PPP6R1: variants seen among roughly 807,000 people sequenced by gnomAD.
PPP6R1 encodes the protein serine/threonine-protein phosphatase 6 regulatory subunit 1.
Under a neutral mutation model 104.6 loss-of-function variants are expected in PPP6R1, and 39 were observed. The ratio of observed to expected loss-of-function variants is 0.37; its 90% CI spans 0.29 to 0.49. PPP6R1 has a LOEUF of 0.49. PPP6R1 is among the 20% of genes least tolerant of loss of function. PPP6R1 has a pLI of 0.98. For synonymous variants in PPP6R1, 549 were observed against 479.0 expected, an observed-to-expected ratio of 1.15 and a Z score of -1.91; for missense variants, 1,181 against 1,155.8, an observed-to-expected ratio of 1.02 and a Z score of -0.32.
rs373100849 is a variant in PPP6R1, at chr19:55,231,917, C to T, written c.2191G>A (p.Gly731Arg). 3.1e-5 allele frequency: 48 copies of T among 1,550,582 alleles called. No homozygotes were observed. The highest frequency in any genetic ancestry group is 2.7e-4 in the African/African-American group (20 of 73,472). ...GGCCCAGTGTGCAGCTCTTCCTCCCCGGAGACTCGGGGGCTGGTCGGGGCA... is the reference window on the plus strand; with the variant it reads ...GGCCCAGTGTGCAGCTCTTCCTCCCTGGAGACTCGGGGGCTGGTCGGGGCA... ...TDAPTSPRVSGEEELHTGPPA... is the reference protein window; with the variant it reads ...TDAPTSPRVSREEELHTGPPA... The change falls in exon 19 of 24, where the codon GGG becomes AGG. Residue 731 changes from glycine (G) to arginine (R), a missense_variant. Transcript: ENST00000412770.
chr19:55,240,324 G>A (rs369988564), intron 10 of PPP6R1, 24 bp from the exon 11 acceptor site: 51 of 1,573,308 alleles, frequency 3.2e-5, no homozygotes, highest in Non-Finnish European at 3.4e-5. Context: ...GGACAGGATG[G>A]CCTGGAGGGG....
Position 55,239,914 on chromosome 19 carries a change from G to C in PPP6R1, c.1478-3C>G. 6.2e-7 allele frequency: 1 copy of C among 1,613,866 alleles called. No homozygotes were observed. Among genetic ancestry groups the C allele is most frequent in the African/African-American group, 1.3e-5 (1 of 75,052 alleles). Reference sequence around the variant, plus strand: ...CTCCTGCTGCTCGCTGGGCAGCTCTGCTTAGGTGAGAGGGGTGAAGACGTG... The same window carrying C: ...CTCCTGCTGCTCGCTGGGCAGCTCTCCTTAGGTGAGAGGGGTGAAGACGTG... On this transcript the variant is annotated splice_polypyrimidine_tract_variant and splice_region_variant and intron_variant, in intron 12 of 23. Coordinates refer to ENST00000412770, the MANE Select transcript of PPP6R1 (RefSeq NM_014931.4).
intron 1 of PPP6R1, among the ~76,000 whole-genome samples, chr19:55,253,096 T>C (rs1361443767): frequency 6.6e-6 from 1 of 152,162 alleles, no homozygotes; most frequent in African/African-American, 2.4e-5. Context: ...CTAAGCTAAG[T>C]GAGCCCCTCC....
intron 1 of PPP6R1, among the ~76,000 whole-genome samples, chr19:55,254,711 G>A (rs1328705256): frequency 2.6e-5 from 4 of 152,180 alleles, no homozygotes; most frequent in South Asian, 2.1e-4. Context: ...CCCCCTGGCC[G>A]GTACCCTAGG....
In PPP6R1 at chr19:55,242,284, G is replaced by C; in HGVS notation, c.732-5C>G. Reference sequence around the variant, plus strand: ...AGCTGCTCAATCGTCTCCTGCCTGCGGGGGCAGGGGCAGGGGTCAGGGTGA... The same window carrying C: ...AGCTGCTCAATCGTCTCCTGCCTGCCGGGGCAGGGGCAGGGGTCAGGGTGA... On this transcript the variant is annotated splice_region_variant and splice_polypyrimidine_tract_variant and intron_variant, in intron 6 of 23. Transcript: ENST00000412770. The C allele has an allele frequency of 6.2e-7, 1 of 1,613,674 alleles. No individual in the cohort carries two copies. Among genetic ancestry groups the C allele is most frequent in the Non-Finnish European group, 8.5e-7 (1 of 1,179,706 alleles).
intron 1 of PPP6R1, among the ~76,000 whole-genome samples, chr19:55,251,992 G>A (rs943829169): frequency 1.3e-5 from 2 of 151,962 alleles, no homozygotes; most frequent in African/African-American, 4.8e-5. Flanking sequence ...GGCTGCCCAT[G>A]CCATGCCAGC....
At chr19:55,232,040 C>G in intron 18 of PPP6R1, 35 bp downstream of exon 18, 1 of 1,611,448 alleles carries the variant, frequency 6.2e-7, no homozygotes, top group Non-Finnish European at 8.5e-7. Flanking sequence ...GCAGACAGCC[C>G]TGTGTACACC....
intron 10 of PPP6R1, among the ~76,000 whole-genome samples, chr19:55,240,514 TACACAC>T (rs777717878): frequency 0.014 from 1,910 of 135,994 alleles, 35 homozygotes; most frequent in African/African-American, 0.038. Context: ...ATGTGGTGCA[TACACAC>T]ACACACACAC....
Position 55,230,779 on chromosome 19 carries a change from G to A in PPP6R1, c.2565C>T (p.Ser855=), listed in dbSNP as rs377266653. 5.1e-6 allele frequency: 8 copies of A among 1,558,548 alleles called. No individual in the cohort carries two copies. In the East Asian group the frequency reaches 1.1e-4, roughly 22 times the overall value. Residue 855 remains serine (S), a synonymous_variant, in exon 22 of 24, where the codon AGC becomes AGT. Transcript: ENST00000412770. The part of the protein sequence containing the change: ...KSPEPLGLPQ[S]QSAQALTPPP... The stretch of plus-strand genomic sequence containing the variant: ...CCTGCTGCCCTGGTGCTCACCTCTG[G>A]CTTTGGGGAAGCCCCAAGGGCTCTG...
At chr19:55,239,111 A>C (rs2087424961) in intron 15 of PPP6R1, 1 of 406,104 alleles carries the variant, frequency 2.5e-6, no homozygotes, top group Admixed American at 3.7e-5. Context: ...GGCTAGCTCC[A>C]GGAGTGGGAG....
Position 55,230,666 on chromosome 19 carries a change from A to C in PPP6R1, c.2589T>G (p.Pro863=), listed in dbSNP as rs746061996. 10 of 1,604,032 alleles carry C rather than the reference A, an allele frequency of 6.2e-6. No homozygotes were observed. The highest frequency in any genetic ancestry group is 1.8e-4 in the Middle Eastern group (1 of 5,694). The part of the protein sequence containing the change: ...PQSQSAQALT[P]PPIPNGSAPE... ...GGGCAGAGCCATTGGGTATCGGAGG[A>C]GGCGTGAGGGCCTGGGCACTGTCAG... Residue 863 remains proline (P), a synonymous_variant, in exon 23 of 24, where the codon CCT becomes CCG. Coordinates refer to ENST00000412770, the MANE Select transcript of PPP6R1 (RefSeq NM_014931.4).
intron 1 of PPP6R1, among the ~76,000 whole-genome samples, chr19:55,251,264 T>C (rs893102089): frequency 6.6e-6 from 1 of 152,116 alleles, no homozygotes; most frequent in South Asian, 2.1e-4. Flanking sequence ...CTCTAGAACC[T>C]TCCCCCTAGG....
Position 55,241,937 on chromosome 19 carries a change from A to C in PPP6R1, c.845+229T>G, listed in dbSNP as rs533520399. 1.3e-5 allele frequency among the ~76,000 whole-genome samples: 2 copies of C among 152,136 alleles called. No homozygotes were observed. Among genetic ancestry groups the C allele is most frequent in the East Asian group, 3.9e-4 (2 of 5,146 alleles). ...GGCACGGGGGCCTGGGGTCCCTCCC[A>C]ACACAAGCTGCAGCAGTGGCCTCAG... On this transcript the variant is annotated intron_variant, in intron 7 of 23. Coordinates refer to ENST00000412770, the MANE Select transcript of PPP6R1 (RefSeq NM_014931.4). This position sits in a 1 kb window ranked among gnomAD's most constrained non-coding sequence, Gnocchi z 5.4.
intron 5 of PPP6R1, among the ~76,000 whole-genome samples, chr19:55,243,157 G>A (rs1489659138): frequency 6.6e-6 from 1 of 152,146 alleles, no homozygotes; most frequent in African/African-American, 2.4e-5. Flanking sequence ...GCTCACGCCT[G>A]TAATCCCAGC....
chr19:55,230,877 T>C lies in PPP6R1; in HGVS notation c.2467A>G (p.Arg823Gly), dbSNP rs2087337608. 6.2e-7 allele frequency: 1 copy of C among 1,605,490 alleles called. No individual in the cohort carries two copies. Among genetic ancestry groups the C allele is most frequent in the South Asian group, 1.1e-5 (1 of 90,874 alleles). ...SAPSSSDSAT[R>G]DPSTSVPASG... Reference sequence around the variant, plus strand: ...GCTGGGACAGAGGTAGAGGGGTCTCTGGTTGCACTGTGGGTGAGAGGCAGG... The same window carrying C: ...GCTGGGACAGAGGTAGAGGGGTCTCCGGTTGCACTGTGGGTGAGAGGCAGG... Residue 823 changes from arginine to glycine, a missense_variant, in exon 22 of 24, where the codon AGA (arginine) becomes GGA (glycine). Arg to Gly is a moderately radical substitution (Grantham distance 125). Coordinates refer to ENST00000412770, the MANE Select transcript of PPP6R1 (RefSeq NM_014931.4).
downstream of PPP6R1, chr19:55,228,313 C>T: frequency 1.2e-6 from 2 of 1,613,820 alleles, no homozygotes; most frequent in African/African-American, 1.3e-5. Flanking sequence ...CCCAGCCAGG[C>T]AGAGGACGGG....
At chr19:55,231,556 T>C (rs371971661) in intron 20 of PPP6R1, 42 bp downstream of exon 20, 38 of 1,600,544 alleles carry the variant, frequency 2.4e-5, no homozygotes, top group Non-Finnish European at 3.2e-5. Context: ...GGCTGCTCTC[T>C]CTGCCCAGGG....
rs1452952319 is a variant in PPP6R1 at position 55,258,694 on chromosome 19, C to G, written c.-266G>C. ...CGACGGGCGGGGGGCGTCACTAGTC[C>G]GCGTAGGCACCTCCGGGGTCCGCAG... On this transcript the variant is annotated 5_prime_UTR_variant, in exon 1 of 24. Transcript: ENST00000412770. 6.6e-6 allele frequency: 1 copy of G among 151,408 alleles called. No homozygotes were observed. Among genetic ancestry groups the G allele is most frequent in the Non-Finnish European group, 1.5e-5 (1 of 67,810 alleles). The allele number at this position is 151,408 out of a possible 1,614,324, so 9.4% of individuals were successfully genotyped here. A position where few individuals can be genotyped will look rare whatever the true frequency, so the allele number is the denominator to read the frequency against.
At chr19:55,230,980 G>A (rs1308474363) in intron 21 of PPP6R1, 96 bp from the exon 22 acceptor site, 1 of 1,070,788 alleles carries the variant, frequency 9.3e-7, no homozygotes, top group Non-Finnish European at 1.4e-6. Flanking sequence ...CTCACTGGGT[G>A]TGTGTCTGCC....
Sources: gnomAD v4.1 joint callset for allele counts (sites outside exome capture counted in the v4.1 genomes callset) on GRCh38, gnomAD v4.1.1 for gene constraint, Gnocchi (gnomAD v3.1) non-coding constraint, MANE v1.5 for transcripts, NCBI Gene and HGNC (gene_info 2026-07-23, HGNC 2026-07-21) for gene names.